Variants in CNTNAP2 observed in about 807,000 individuals in gnomAD.
CNTNAP2 encodes contactin associated protein 2, also known as contactin-associated protein-like 2.
CNTNAP2 carries 98 observed loss-of-function variants against 155.2 expected under a neutral mutation model. The observed-to-expected ratio is 0.63, with a 90% CI of 0.54 to 0.75. The LOEUF is 0.75. CNTNAP2 is among the 30% of genes least tolerant of loss of function. The pLI, the probability that CNTNAP2 is intolerant of heterozygous loss-of-function variation, is 0.00. For missense variants in CNTNAP2, 1,727 were observed against 1,688.1 expected, an observed-to-expected ratio of 1.02 and a Z score of -0.40; for synonymous variants, 651 against 631.2, an observed-to-expected ratio of 1.03 and a Z score of -0.47.
chr7:148,007,949 A>G (rs908586009), intron 15 of CNTNAP2, among the ~76,000 whole-genome samples: 4 of 152,196 alleles, frequency 2.6e-5, no homozygotes, highest in African/African-American at 9.7e-5. Flanking sequence ...GAACCTGTGA[A>G]TATGCGACCT....
intron 4 of CNTNAP2, among the ~76,000 whole-genome samples, chr7:147,097,203 A>T (rs1211158438): frequency 6.6e-6 from 1 of 152,224 alleles, no homozygotes; most frequent in African/African-American, 2.4e-5. Context: ...ATCACCTATT[A>T]CATATTGCTA....
At chr7:146,536,178 G>C (rs533563601) in intron 1 of CNTNAP2, among the ~76,000 whole-genome samples, 3 of 152,002 alleles carry the variant, frequency 2.0e-5, no homozygotes, top group African/African-American at 7.2e-5. Context: ...TTTAGCAAAG[G>C]ACAGCAAATT....
At chr7:147,529,976 A>C (rs1799402023) in intron 11 of CNTNAP2, among the ~76,000 whole-genome samples, 1 of 152,228 alleles carries the variant, frequency 6.6e-6, no homozygotes, top group Admixed American at 6.5e-5. Context: ...AGAAAGGTCC[A>C]GAATGTTATT....
At chr7:147,473,802 G>A (rs927073964) in intron 10 of CNTNAP2, among the ~76,000 whole-genome samples, 3 of 152,218 alleles carry the variant, frequency 2.0e-5, no homozygotes, top group Non-Finnish European at 2.9e-5. Flanking sequence ...ACTTAAATTC[G>A]GGTGCGGTGG....
At chr7:146,248,149 G>A (rs2116938874) in intron 1 of CNTNAP2, among the ~76,000 whole-genome samples, 1 of 152,206 alleles carries the variant, frequency 6.6e-6, no homozygotes, top group African/African-American at 2.4e-5. Context: ...AGGGATCAGG[G>A]CGCAGAGATA....
At chr7:147,465,441 T>C (rs1202501574) in intron 10 of CNTNAP2, among the ~76,000 whole-genome samples, 1 of 152,192 alleles carries the variant, frequency 6.6e-6, no homozygotes, top group Non-Finnish European at 1.5e-5. Flanking sequence ...CATAGGGAGA[T>C]TTGACTTCAT....
At chr7:146,359,195 C>T (rs139129201) in intron 1 of CNTNAP2, among the ~76,000 whole-genome samples, 188 of 152,296 alleles carry the variant, frequency 1.2e-3, no homozygotes, top group African/African-American at 4.3e-3. Flanking sequence ...TGTAATGAAG[C>T]ATAAGGCATA....
rs35924262 is a variant in CNTNAP2, at chr7:147,553,997, G to A, written c.1778-8141G>A. ...AAAAAAAGGAAATGAGAGAGAGAAGGTTAGAGATGGGAATGGAGACTCAGG... is the reference window on the plus strand; with the variant it reads ...AAAAAAAGGAAATGAGAGAGAGAAGATTAGAGATGGGAATGGAGACTCAGG... On this transcript the variant is annotated intron_variant, in intron 11 of 23. Coordinates refer to ENST00000361727, the MANE Select transcript of CNTNAP2 (RefSeq NM_014141.6). 8.8e-3 allele frequency among the ~76,000 whole-genome samples: 1,343 copies of A among 152,208 alleles called. 12 individuals carry two copies. The highest frequency in any genetic ancestry group is 0.013 in the Non-Finnish European group (896 of 67,998).
At chr7:147,546,223 A>G (rs1254543759) in intron 11 of CNTNAP2, among the ~76,000 whole-genome samples, 1 of 152,194 alleles carries the variant, frequency 6.6e-6, no homozygotes, top group Non-Finnish European at 1.5e-5. Context: ...GAGAGGAGGT[A>G]TGATTCATTA....
intron 10 of CNTNAP2, among the ~76,000 whole-genome samples, chr7:147,402,693 C>T (rs1040510620): frequency 1.2e-4 from 18 of 152,124 alleles, no homozygotes; most frequent in Admixed American, 1.0e-3. Context: ...TGAAATAAAT[C>T]ATGGCATATG....
chr7:146,646,213 C>T (rs1399739186), intron 1 of CNTNAP2, among the ~76,000 whole-genome samples: 1 of 152,144 alleles, frequency 6.6e-6, no homozygotes, highest in Admixed American at 6.6e-5. Context: ...TAGAAAATCA[C>T]ATAATGTAGT....
intron 3 of CNTNAP2, among the ~76,000 whole-genome samples, chr7:146,865,214 A>T (rs1316951319): frequency 6.6e-6 from 1 of 151,970 alleles, no homozygotes; most frequent in Non-Finnish European, 1.5e-5. Flanking sequence ...GAAACTAAAT[A>T]ATAGCTAACA....
At chr7:147,943,766 C>CAAAAAAAAAAAAAAAAAAAA in intron 14 of CNTNAP2, among the ~76,000 whole-genome samples, 1 of 40,134 alleles carries the variant, frequency 2.5e-5, no homozygotes, top group Non-Finnish European at 4.1e-5. Context: ...GACCCCGTCT[C>CAAAAAAAAAAAAAAAAAAAA]AAAAAAAAAA....
chr7:146,880,523 A>T (rs1196807599), intron 3 of CNTNAP2, among the ~76,000 whole-genome samples: 1 of 152,116 alleles, frequency 6.6e-6, no homozygotes, highest in East Asian at 1.9e-4. Flanking sequence ...GTAAATAAAG[A>T]TCTTACCTGA....
intron 13 of CNTNAP2, among the ~76,000 whole-genome samples, chr7:147,820,488 A>G: frequency 6.6e-6 from 1 of 152,050 alleles, no homozygotes; most frequent in Non-Finnish European, 1.5e-5. Context: ...CTTAGTGGTA[A>G]TATGTCAAAG....
At chr7:146,950,800 C>A (rs1488065601) in intron 3 of CNTNAP2, among the ~76,000 whole-genome samples, 1 of 151,978 alleles carries the variant, frequency 6.6e-6, no homozygotes, top group Non-Finnish European at 1.5e-5. Flanking sequence ...ATCCTTTGGG[C>A]ATATACCTAG....
intron 13 of CNTNAP2, among the ~76,000 whole-genome samples, chr7:147,741,483 A>C (rs1351117032): frequency 1.3e-5 from 2 of 152,226 alleles, no homozygotes; most frequent in East Asian, 3.8e-4. Flanking sequence ...CATAATATGG[A>C]AATAAAATAT....
At chr7:148,259,355 C>CAA (rs1211859755) in intron 20 of CNTNAP2, among the ~76,000 whole-genome samples, 3 of 124,910 alleles carry the variant, frequency 2.4e-5, no homozygotes, top group Non-Finnish European at 3.4e-5. Context: ...GACCCTGCCT[C>CAA]AAAAAAAAAA....
At chr7:147,582,300 T>C (rs1800517314) in intron 12 of CNTNAP2, among the ~76,000 whole-genome samples, 1 of 152,154 alleles carries the variant, frequency 6.6e-6, no homozygotes, top group Admixed American at 6.6e-5. Flanking sequence ...TACTAAAATG[T>C]AATCTCTGTT....
Sources: allele counts gnomAD v4.1 joint callset (sites outside exome capture counted in the v4.1 genomes callset), GRCh38; gene constraint gnomAD v4.1.1; transcripts MANE v1.5; gene names NCBI Gene and HGNC (gene_info 2026-07-23, HGNC 2026-07-21).